STARD13: variants seen among roughly 807,000 people sequenced by gnomAD.
STARD13 encodes stAR-related lipid transfer protein 13.
A neutral mutation model predicts 106.4 loss-of-function variants in STARD13; 62 were observed. The ratio of observed to expected loss-of-function variants is 0.58; its 90% CI spans 0.48 to 0.72. The LOEUF (loss-of-function observed/expected upper bound fraction) is 0.72, where lower values mean the gene tolerates loss of function less well. STARD13 is among the 30% of genes least tolerant of loss of function. The pLI is 0.00. For missense variants in STARD13, 1,387 were observed against 1,424.0 expected (o/e 0.97, Z 0.42); for synonymous variants, 565 against 553.0 (o/e 1.02, Z -0.31).
chr13:33,499,583 TTCTTCTTCTTCTTCTTCTTCTTTC>T, the STARD13 span, among the ~76,000 whole-genome samples: 2 of 69,278 alleles, frequency 2.9e-5, no homozygotes, highest in East Asian at 4.5e-4. Flanking sequence ...CTTCTTCTTC[TTCTTCTTCTTCTTCTTCTTCTTTC>T]TTCTTCTTCT....
chr13:33,235,622 C>T (rs1400520548), intron 1 of STARD13, among the ~76,000 whole-genome samples: 1 of 152,118 alleles, frequency 6.6e-6, no homozygotes, highest in Admixed American at 6.5e-5. Context: ...ACAGAGTTAC[C>T]AGAAAAGTCT....
chr13:33,378,857 C>T, the STARD13 span, among the ~76,000 whole-genome samples: 1 of 151,292 alleles, frequency 6.6e-6, no homozygotes, highest in Non-Finnish European at 1.5e-5. Context: ...CACTTGTAAT[C>T]CTAGGACTTT....
the STARD13 span, among the ~76,000 whole-genome samples, chr13:33,670,599 G>A: frequency 6.6e-6 from 1 of 152,082 alleles, no homozygotes; most frequent in East Asian, 1.9e-4. Context: ...TTTTTGTTTT[G>A]ATGCTGTCGT....
the STARD13 span, among the ~76,000 whole-genome samples, chr13:33,603,840 A>T: frequency 6.6e-6 from 1 of 152,194 alleles, no homozygotes; most frequent in Admixed American, 6.5e-5. Flanking sequence ...CATTTAAAAA[A>T]CTTTAGGAAG....
chr13:33,511,236 C>CT, the STARD13 span: 3 of 151,946 alleles, frequency 2.0e-5, no homozygotes, highest in African/African-American at 7.3e-5. Flanking sequence ...TTGCTTGAAC[C>CT]TGGGGGGTGG....
the STARD13 span, among the ~76,000 whole-genome samples, chr13:33,377,601 A>G: frequency 6.8e-6 from 1 of 146,088 alleles, no homozygotes; most frequent in Non-Finnish European, 1.5e-5. Flanking sequence ...CCCCGCTTAT[A>G]CTCTCATCTC....
intron 8 of STARD13, among the ~76,000 whole-genome samples, chr13:33,117,034 T>A (rs36090640): frequency 0.21 from 31,327 of 152,134 alleles, 3,637 homozygotes; most frequent in South Asian, 0.3. Context: ...TTTTCCCCCA[T>A]GAATTGGGAT....
the STARD13 span, among the ~76,000 whole-genome samples, chr13:33,473,930 G>A: frequency 6.6e-6 from 1 of 152,214 alleles, no homozygotes; most frequent in African/African-American, 2.4e-5. Context: ...AACCAACTGA[G>A]AGAGGAAAGC....
chr13:33,583,381 CAT>C, the STARD13 span, among the ~76,000 whole-genome samples: 3 of 152,194 alleles, frequency 2.0e-5, no homozygotes, highest in African/African-American at 4.8e-5. Context: ...GTCTGACTGA[CAT>C]ACTCATTTAG....
At chr13:33,462,270 G>A in the STARD13 span, among the ~76,000 whole-genome samples, 1,335 of 152,110 alleles carry the variant, frequency 8.8e-3, 15 homozygotes, top group African/African-American at 0.029. Context: ...TGTTCATCCC[G>A]ACCAAAAACA....
intron 1 of STARD13, among the ~76,000 whole-genome samples, chr13:33,323,263 T>A (rs759933543): frequency 1.3e-5 from 2 of 152,200 alleles, no homozygotes; most frequent in South Asian, 2.1e-4. Flanking sequence ...CCTTTGCATA[T>A]GCTGTTCCCA....
At chr13:33,502,378 C>A in the STARD13 span, among the ~76,000 whole-genome samples, 1 of 152,156 alleles carries the variant, frequency 6.6e-6, no homozygotes, top group Non-Finnish European at 1.5e-5. Context: ...CCATTTATTT[C>A]TTTCTTCTGC....
rs114089363 is a variant in STARD13 at position 33,267,227 on chromosome 13, G to A, written c.169+18243C>T. Among the ~76,000 whole-genome samples the A allele has an allele frequency of 2.2e-3, 332 of 152,262 alleles. 1 individual carries two copies. Among genetic ancestry groups the A allele is most frequent in the African/African-American group, 7.8e-3 (323 of 41,554 alleles). ...CTGGACCACCTATTCAAATTTGAAGGAAGACACATAAAAGGGCAAAAACTG... is the reference window on the plus strand; with the variant it reads ...CTGGACCACCTATTCAAATTTGAAGAAAGACACATAAAAGGGCAAAAACTG... On this transcript the variant is annotated intron_variant, in intron 1 of 13. Transcript: ENST00000336934.
chr13:33,394,221 A>G, the STARD13 span, among the ~76,000 whole-genome samples: 1 of 148,166 alleles, frequency 6.7e-6, no homozygotes, highest in African/African-American at 2.5e-5. Context: ...TTTTTTTTCT[A>G]TCAACTATCC....
chr13:33,360,327 C>T, the STARD13 span, among the ~76,000 whole-genome samples: 2 of 152,048 alleles, frequency 1.3e-5, no homozygotes, highest in African/African-American at 4.8e-5. Flanking sequence ...GCCTCAGCCT[C>T]CCAAGTAGCT....
At chr13:33,564,496 T>A in the STARD13 span, among the ~76,000 whole-genome samples, 1 of 145,826 alleles carries the variant, frequency 6.9e-6, no homozygotes, top group African/African-American at 2.6e-5. Flanking sequence ...ATCCAAAAGC[T>A]AAAAATAGAA....
At chr13:33,188,448 G>A (rs1338683718) in intron 1 of STARD13, among the ~76,000 whole-genome samples, 6 of 152,018 alleles carry the variant, frequency 3.9e-5, no homozygotes, top group African/African-American at 1.4e-4. Flanking sequence ...AGTTAATTCT[G>A]AGAAAAATTT....
At chr13:33,593,511 T>TA in the STARD13 span, among the ~76,000 whole-genome samples, 1 of 152,138 alleles carries the variant, frequency 6.6e-6, no homozygotes, top group Non-Finnish European at 1.5e-5. Flanking sequence ...TGTCAGAACT[T>TA]ACTATGAGCT....
At chr13:33,192,160 C>G (rs1012007375) in intron 1 of STARD13, among the ~76,000 whole-genome samples, 50 of 152,176 alleles carry the variant, frequency 3.3e-4, no homozygotes, top group African/African-American at 1.2e-3. Flanking sequence ...ATTGAAAAAA[C>G]AAAAGAACAT....
Sources: allele counts gnomAD v4.1 joint callset (sites outside exome capture counted in the v4.1 genomes callset), GRCh38; gene constraint gnomAD v4.1.1; transcripts MANE v1.5; gene names NCBI Gene and HGNC (gene_info 2026-07-23, HGNC 2026-07-21).